C1QTNF3: variants seen among roughly 807,000 people sequenced by gnomAD.
C1QTNF3 encodes the protein C1q and TNF related 3.
Under a neutral mutation model 32.6 loss-of-function variants are expected in C1QTNF3, and 26 were observed. That is an observed-to-expected ratio of 0.80 (90% CI 0.58 to 1.11). C1QTNF3 has a LOEUF of 1.11. C1QTNF3 is among the 50% of genes least tolerant of loss of function. C1QTNF3 has a pLI of 0.00. For missense variants in C1QTNF3, 362 were observed against 398.2 expected, an observed-to-expected ratio of 0.91 and a Z score of 0.77; for synonymous variants, 155 against 146.0, an observed-to-expected ratio of 1.06 and a Z score of -0.44.
chr5:34,038,545 G>A (rs1446299656), intron 1 of C1QTNF3, among the ~76,000 whole-genome samples: 1 of 152,240 alleles, frequency 6.6e-6, no homozygotes, highest in Admixed American at 6.5e-5. Context: ...AGTGCCGGGA[G>A]GGACTCTGTC....
At chr5:34,031,995 T>C (rs1170745855) in intron 3 of C1QTNF3, among the ~76,000 whole-genome samples, 3 of 152,236 alleles carry the variant, frequency 2.0e-5, no homozygotes, top group East Asian at 1.9e-4. Context: ...TTCCCCCTAA[T>C]TGATCTTTCA....
chr5:34,224,809 C>A, the C1QTNF3 span, among the ~76,000 whole-genome samples: 10 of 151,842 alleles, frequency 6.6e-5, no homozygotes, highest in East Asian at 9.7e-4. Context: ...AATGGGATCT[C>A]ATTAAACTAA....
At chr5:34,216,619 A>C in the C1QTNF3 span, among the ~76,000 whole-genome samples, 2 of 152,184 alleles carry the variant, frequency 1.3e-5, no homozygotes, top group Admixed American at 6.6e-5. Context: ...TTCTCAACCT[A>C]ATCTCTAGAG....
At chr5:34,166,168 C>A in the C1QTNF3 span, 1 of 151,920 alleles carries the variant, frequency 6.6e-6, no homozygotes, top group Non-Finnish European at 1.5e-5. Context: ...CAAGATCTCA[C>A]GACAATGGAT....
At chr5:34,063,825 G>A in the C1QTNF3 span, among the ~76,000 whole-genome samples, 1 of 152,316 alleles carries the variant, frequency 6.6e-6, no homozygotes, top group African/African-American at 2.4e-5. Flanking sequence ...GCAGGGATCG[G>A]AGGAAGTAGG....
At position 34,020,390 on chromosome 5, in the gene C1QTNF3, C is replaced by CT; in HGVS notation, c.*192dup. 3.2e-6 allele frequency: 2 copies of CT among 623,990 alleles called. No individual in the cohort carries two copies. Among genetic ancestry groups the CT allele is most frequent in the Non-Finnish European group, 5.5e-6 (2 of 361,436 alleles). 38.7% of individuals were successfully genotyped at this position (623,990 alleles called of 1,614,324 possible). A position where few individuals can be genotyped will look rare whatever the true frequency, so the allele number is the denominator to read the frequency against. On this transcript the variant is annotated 3_prime_UTR_variant, in exon 6 of 6. Coordinates refer to ENST00000382065, the MANE Select transcript of C1QTNF3 (RefSeq NM_181435.6). ...TATTAGTCAAGGTCATCTGAGAAGA[C>CT]TATTTTGTGGTTGATTCTTCTGAGC...
rs138547130 is a variant in C1QTNF3, at chr5:34,027,804, T to C, written c.700+950A>G. Among the ~76,000 whole-genome samples, 3 of 138,722 alleles carry C rather than the reference T, an allele frequency of 2.2e-5. No individual in the cohort carries two copies. The East Asian group carries it at 6.2e-4, about 29-fold the overall frequency. 91.0% of individuals were successfully genotyped at this position (138,722 alleles called of 152,430 possible). A position where few individuals can be genotyped will look rare whatever the true frequency, so the allele number is the denominator to read the frequency against. On this transcript the variant is annotated intron_variant, in intron 4 of 5. Transcript: ENST00000382065. ...TCCAGAAATAAGGGAATTCATTAAA[T>C]ATACTTTGGTACATTCAGCTACAAG...
chr5:34,041,579 T>A (rs544320944), intron 1 of C1QTNF3, among the ~76,000 whole-genome samples: 1 of 152,316 alleles, frequency 6.6e-6, no homozygotes, highest in East Asian at 1.9e-4. Context: ...CACAAATTAG[T>A]GCTAATCATT....
the C1QTNF3 span, chr5:34,200,550 C>G: frequency 6.6e-6 from 1 of 152,082 alleles, no homozygotes; most frequent in Admixed American, 6.5e-5. Context: ...AGCAATTCCA[C>G]CGATTTCATT....
chr5:34,073,738 T>C, the C1QTNF3 span, among the ~76,000 whole-genome samples: 37 of 152,180 alleles, frequency 2.4e-4, no homozygotes, highest in African/African-American at 8.2e-4. Flanking sequence ...ACGACATGCA[T>C]GTTTCTAAGC....
At chr5:34,123,845 T>A in the C1QTNF3 span, among the ~76,000 whole-genome samples, 1 of 152,222 alleles carries the variant, frequency 6.6e-6, no homozygotes, top group Non-Finnish European at 1.5e-5. Flanking sequence ...TGTTTGTGTA[T>A]GAGTGGTATA....
the C1QTNF3 span, among the ~76,000 whole-genome samples, chr5:34,063,393 C>T: frequency 6.6e-6 from 1 of 151,822 alleles, no homozygotes; most frequent in African/African-American, 2.4e-5. Flanking sequence ...TCTCTCTCCT[C>T]GACTTACTCA....
At chr5:34,213,003 T>A in the C1QTNF3 span, among the ~76,000 whole-genome samples, 2 of 152,164 alleles carry the variant, frequency 1.3e-5, no homozygotes, top group South Asian at 4.1e-4. Flanking sequence ...ATTAGACTTT[T>A]AAAATCAATA....
chr5:34,229,541 C>T, the C1QTNF3 span, among the ~76,000 whole-genome samples: 1 of 152,028 alleles, frequency 6.6e-6, no homozygotes, highest in Non-Finnish European at 1.5e-5. Flanking sequence ...CCTGGCAGGA[C>T]AGAGTTTGCA....
At chr5:34,110,779 C>G in the C1QTNF3 span, among the ~76,000 whole-genome samples, 1 of 151,992 alleles carries the variant, frequency 6.6e-6, no homozygotes, top group Non-Finnish European at 1.5e-5. Context: ...GTAATACATT[C>G]TCCCTCACCA....
chr5:34,203,233 GAGAC>G, the C1QTNF3 span, among the ~76,000 whole-genome samples: 29 of 152,074 alleles, frequency 1.9e-4, no homozygotes, highest in African/African-American at 6.0e-4. Flanking sequence ...CAAAGACAAA[GAGAC>G]AGACAGAAAG....
the C1QTNF3 span, among the ~76,000 whole-genome samples, chr5:34,235,112 T>C: frequency 4.6e-5 from 7 of 152,092 alleles, no homozygotes; most frequent in East Asian, 1.9e-4. Flanking sequence ...TTTGAAATCA[T>C]AGACTTGAAA....
At chr5:34,062,615 C>A in the C1QTNF3 span, among the ~76,000 whole-genome samples, 2 of 152,226 alleles carry the variant, frequency 1.3e-5, no homozygotes, top group Non-Finnish European at 2.9e-5. Flanking sequence ...CCACAAGATT[C>A]TCCCTATCAT....
At chr5:34,129,752 T>C in the C1QTNF3 span, among the ~76,000 whole-genome samples, 2 of 151,910 alleles carry the variant, frequency 1.3e-5, no homozygotes, top group African/African-American at 2.4e-5. Flanking sequence ...ATAAAGGTTA[T>C]AGTGGGCCTA....
Sources: allele counts gnomAD v4.1 joint callset (sites outside exome capture counted in the v4.1 genomes callset), GRCh38; gene constraint gnomAD v4.1.1; transcripts MANE v1.5; gene names NCBI Gene and HGNC (gene_info 2026-07-23, HGNC 2026-07-21).